Variants in CDH7 observed in about 807,000 individuals in gnomAD.
CDH7 encodes cadherin-7.
A neutral mutation model predicts 71.8 loss-of-function variants in CDH7; 25 were observed. The observed-to-expected ratio is 0.35, with a 90% CI of 0.25 to 0.49. The LOEUF (loss-of-function observed/expected upper bound fraction) is 0.49, where lower values mean the gene tolerates loss of function less well. Ranked by LOEUF, CDH7 falls within the 20% of genes least tolerant of loss-of-function variation. The pLI, the probability that CDH7 is intolerant of heterozygous loss-of-function variation, is 0.99. For synonymous variants in CDH7, 381 were observed against 363.8 expected, an observed-to-expected ratio of 1.05 and a Z score of -0.54; for missense variants, 862 against 974.6, an observed-to-expected ratio of 0.88 and a Z score of 1.54.
chr18:65,825,632 T>G (rs1344927981), intron 6 of CDH7, among the ~76,000 whole-genome samples: 2 of 151,824 alleles, frequency 1.3e-5, no homozygotes, highest in South Asian at 2.1e-4. Context: ...TACGAAATTT[T>G]TTGTCAGTAT....
chr18:65,862,799 G>A lies in CDH7; in HGVS notation c.1746G>A (p.Val582=). 1.2e-6 allele frequency: 2 copies of A among 1,614,178 alleles called. No individual in the cohort carries two copies. Among genetic ancestry groups the A allele is most frequent in the Middle Eastern group, 1.6e-4 (1 of 6,062 alleles). The change falls in exon 11 of 12, where the codon GTG becomes GTA. Residue 582 remains valine (V), a synonymous_variant. Transcript: ENST00000397968. ...LSSTNTLTIR[V]CDCDADGVAQ... is the part of the protein sequence containing the mutation. ...GCACCAACACCCTCACCATCCGCGT[G>A]TGTGACTGTGATGCTGACGGCGTAG...
chr18:65,830,524 T>C (rs924463302), intron 6 of CDH7, among the ~76,000 whole-genome samples: 1 of 150,892 alleles, frequency 6.6e-6, no homozygotes, highest in East Asian at 2.0e-4. Flanking sequence ...CTTCCTCCCT[T>C]CCTTCCTTTC....
In CDH7 at chr18:65,883,354, A is replaced by G. The variant is rs1184450510; in HGVS notation, c.*2460A>G. On this transcript the variant is annotated 3_prime_UTR_variant, in exon 12 of 12. Transcript: ENST00000397968. ...AGTAGTAAATTTTTTGCCGTTGCTT[A>G]TTTTAGTTTTCTTTTTTCTTCTGAA... 1 of 151,950 alleles carries G rather than the reference A, an allele frequency of 6.6e-6. No individual in the cohort carries two copies. Among genetic ancestry groups the G allele is most frequent in the Non-Finnish European group, 1.5e-5 (1 of 67,926 alleles). 9.4% of individuals were successfully genotyped at this position (151,950 alleles called of 1,614,324 possible).
At chr18:65,801,948 C>T (rs1030947592) in intron 2 of CDH7, among the ~76,000 whole-genome samples, 1 of 152,176 alleles carries the variant, frequency 6.6e-6, no homozygotes, top group Admixed American at 6.5e-5. Flanking sequence ...CTATTGGTGT[C>T]TGCGACACGT....
rs191855279 is a variant in CDH7 at position 65,796,952 on chromosome 18, T to A, written c.211-12752T>A. Among the ~76,000 whole-genome samples the A allele has an allele frequency of 6.8e-3, 1,038 of 152,258 alleles. 10 individuals carry two copies. The highest frequency in any genetic ancestry group is 0.024 in the Middle Eastern group (7 of 294). On this transcript the variant is annotated intron_variant, in intron 2 of 11. Coordinates refer to ENST00000397968, the MANE Select transcript of CDH7 (RefSeq NM_004361.5). ...AGAAAATAGGAAACCTATTACAGTT[T>A]AAAAATCTAAACAGAAATTAAACAG...
chr18:65,773,999 ACTT>A (rs1916622852), intron 2 of CDH7, among the ~76,000 whole-genome samples: 1 of 152,184 alleles, frequency 6.6e-6, no homozygotes, highest in African/African-American at 2.4e-5. Context: ...GTATGACATG[ACTT>A]CTCAAACTGT....
At chr18:65,758,672 G>A (rs1916103255) in intron 1 of CDH7, among the ~76,000 whole-genome samples, 2 of 152,160 alleles carry the variant, frequency 1.3e-5, no homozygotes, top group South Asian at 2.1e-4. Flanking sequence ...TAGCTCAAGA[G>A]GTTGGCAAAT....
At chr18:65,791,276 G>T (rs542491145) in intron 2 of CDH7, among the ~76,000 whole-genome samples, 56 of 152,268 alleles carry the variant, frequency 3.7e-4, no homozygotes, top group African/African-American at 1.3e-3. Context: ...TAATCGGTCA[G>T]CTCTTTGTGT....
chr18:65,853,679 G>A (rs1414784123), intron 7 of CDH7, among the ~76,000 whole-genome samples: 1 of 151,670 alleles, frequency 6.6e-6, no homozygotes, highest in Non-Finnish European at 1.5e-5. Flanking sequence ...CTTTGACAAA[G>A]TGTCCCATCT....
chr18:65,804,770 G>C (rs1911255643), intron 2 of CDH7, among the ~76,000 whole-genome samples: 1 of 151,238 alleles, frequency 6.6e-6, no homozygotes, highest in African/African-American at 2.4e-5. Context: ...CTGTATAAAA[G>C]CTGAGGAAAC....
rs373053014 is a variant in CDH7, at chr18:65,800,874, A to G, written c.211-8830A>G. 1.4e-3 allele frequency among the ~76,000 whole-genome samples: 209 copies of G among 152,276 alleles called. 2 individuals are homozygous for G. Among genetic ancestry groups the G allele is most frequent in the African/African-American group, 4.7e-3 (197 of 41,562 alleles). On this transcript the variant is annotated intron_variant, in intron 2 of 11. Transcript: ENST00000397968. ...TTGATTTCATCTTTTAGTCAAGTCT[A>G]TTCCTGGAAATCAAGTTCCTCCCCT...
rs73966324 is a variant in CDH7 at position 65,819,796 on chromosome 18, T to C, written c.626-2285T>C. ...TCCAAAAAAGTTTATTTAGTTTTAG[T>C]GAGAACAATCCTAAAGGGTTGAGCC... On this transcript the variant is annotated intron_variant, in intron 4 of 11. Transcript: ENST00000397968. Among the ~76,000 whole-genome samples, 1,246 of 151,586 alleles carry C rather than the reference T, an allele frequency of 8.2e-3. 15 individuals carry two copies. Among genetic ancestry groups the C allele is most frequent in the African/African-American group, 0.029 (1,184 of 41,400 alleles).
At chr18:65,873,276 C>A (rs994923035) in intron 11 of CDH7, among the ~76,000 whole-genome samples, 1 of 152,124 alleles carries the variant, frequency 6.6e-6, no homozygotes, top group Non-Finnish European at 1.5e-5. Flanking sequence ...TTCAACATGT[C>A]ATTTGACAAT....
chr18:65,881,143 T>G lies in CDH7; in HGVS notation c.*249T>G, dbSNP rs1914219681. 1 of 358,674 alleles carries G rather than the reference T, an allele frequency of 2.8e-6. No homozygotes were observed. Among genetic ancestry groups the G allele is most frequent in the Admixed American group, 4.3e-5 (1 of 23,212 alleles). 22.2% of individuals were successfully genotyped at this position (358,674 alleles called of 1,614,324 possible). On this transcript the variant is annotated 3_prime_UTR_variant, in exon 12 of 12. Coordinates refer to ENST00000397968, the MANE Select transcript of CDH7 (RefSeq NM_004361.5). ...GCATTTGAAGGTTTTTTGATAAAAA[T>G]AAATGCTCAGTGGTTTGTGAATAGA...
chr18:65,830,533 T>TTCCTCCCTTCCTTCCTTC (rs1568208928), intron 6 of CDH7, among the ~76,000 whole-genome samples: 15 of 150,298 alleles, frequency 1.0e-4, no homozygotes, highest in Non-Finnish European at 1.6e-4. Flanking sequence ...TTCCTTCCTT[T>TTCCTCCCTTCCTTCCTTC]CTTCCTCCCT....
chr18:65,768,563 T>C (rs1444865254), intron 2 of CDH7, among the ~76,000 whole-genome samples: 1 of 152,220 alleles, frequency 6.6e-6, no homozygotes, highest in African/African-American at 2.4e-5. Context: ...GGACAAGATA[T>C]AAACTGAAAC....
intron 7 of CDH7, among the ~76,000 whole-genome samples, chr18:65,857,230 C>T (rs549404054): frequency 2.0e-5 from 3 of 150,996 alleles, no homozygotes; most frequent in African/African-American, 7.3e-5. Flanking sequence ...CGCCTATAAT[C>T]CCAGCATATT....
intron 2 of CDH7, among the ~76,000 whole-genome samples, chr18:65,807,327 T>C (rs1306013718): frequency 3.9e-5 from 6 of 152,132 alleles, no homozygotes; most frequent in African/African-American, 1.4e-4. Flanking sequence ...AAAATAAATT[T>C]ATTTTGTCTC....
intron 7 of CDH7, among the ~76,000 whole-genome samples, chr18:65,855,424 A>G (rs1410152887): frequency 6.6e-6 from 1 of 151,966 alleles, no homozygotes; most frequent in Non-Finnish European, 1.5e-5. Flanking sequence ...GCAAACATAA[A>G]ATGCAGAATA....
Sources: allele counts gnomAD v4.1 joint callset (sites outside exome capture counted in the v4.1 genomes callset), GRCh38; gene constraint gnomAD v4.1.1; transcripts MANE v1.5; gene names NCBI Gene and HGNC (gene_info 2026-07-23, HGNC 2026-07-21).